Variants in MYRIP observed in about 807,000 individuals in gnomAD.
MYRIP encodes rab effector MyRIP.
In MYRIP, 49 loss-of-function variants were observed where a neutral mutation model predicts 98.0. The observed-to-expected ratio is 0.50, with a 90% CI of 0.40 to 0.63. The LOEUF (loss-of-function observed/expected upper bound fraction) is 0.63, where lower values mean the gene tolerates loss of function less well. Ranked by LOEUF, MYRIP falls within the 30% of genes least tolerant of loss-of-function variation. The probability of loss-of-function intolerance (pLI) is 0.00; values close to 1 mark genes in which losing one functional copy is unlikely to be tolerated. For missense variants in MYRIP, 1,004 were observed against 1,058.2 expected (o/e 0.95, Z 0.71); for synonymous variants, 404 against 409.5 (o/e 0.99, Z 0.16).
At chr3:40,253,482 A>G (rs1559478871) in intron 16 of MYRIP, among the ~76,000 whole-genome samples, 1 of 152,238 alleles carries the variant, frequency 6.6e-6, no homozygotes, top group Non-Finnish European at 1.5e-5. Context: ...TCATTAATGC[A>G]AATAAAAACT....
At chr3:40,115,004 T>G (rs1188427881) in intron 3 of MYRIP, among the ~76,000 whole-genome samples, 1 of 152,150 alleles carries the variant, frequency 6.6e-6, no homozygotes, top group African/African-American at 2.4e-5. Flanking sequence ...ATGAATAAAC[T>G]GATACATTTC....
intron 10 of MYRIP, among the ~76,000 whole-genome samples, chr3:40,196,847 A>G (rs1951406850): frequency 6.6e-6 from 1 of 152,052 alleles, no homozygotes; most frequent in Non-Finnish European, 1.5e-5. Context: ...ATCTTTTTAG[A>G]GTCTTGTGAG....
intron 16 of MYRIP, among the ~76,000 whole-genome samples, chr3:40,255,386 G>A (rs73827182): frequency 0.019 from 2,942 of 152,232 alleles, 75 homozygotes; most frequent in African/African-American, 0.062. Context: ...ACAACCTCGT[G>A]AACATACTAA....
At chr3:39,821,199 T>A (rs920039733) in intron 1 of MYRIP, among the ~76,000 whole-genome samples, 1 of 152,114 alleles carries the variant, frequency 6.6e-6, no homozygotes, top group Non-Finnish European at 1.5e-5. Context: ...GCATGTTCAG[T>A]CAAGAGCACC....
intron 3 of MYRIP, among the ~76,000 whole-genome samples, chr3:40,057,470 T>C (rs138803654): frequency 6.6e-6 from 1 of 152,320 alleles, no homozygotes; most frequent in African/African-American, 2.4e-5. Context: ...AACGTTAATC[T>C]AGACAACCTC....
At chr3:39,971,034 T>C (rs1229759995) in intron 2 of MYRIP, among the ~76,000 whole-genome samples, 1 of 152,092 alleles carries the variant, frequency 6.6e-6, no homozygotes, top group Non-Finnish European at 1.5e-5. Flanking sequence ...TGACTCTGAA[T>C]TGCACTTTAT....
At chr3:40,003,295 C>T (rs1278363404) in intron 2 of MYRIP, among the ~76,000 whole-genome samples, 1 of 152,090 alleles carries the variant, frequency 6.6e-6, no homozygotes, top group East Asian at 1.9e-4. Context: ...GAGGTGTCTT[C>T]AAGGGATTTT....
At chr3:39,985,987 A>ACAGC (rs1946022193) in intron 2 of MYRIP, among the ~76,000 whole-genome samples, 1 of 152,208 alleles carries the variant, frequency 6.6e-6, no homozygotes, top group African/African-American at 2.4e-5. Flanking sequence ...GAGCTTCTGC[A>ACAGC]CAGCAAAAGA....
intron 3 of MYRIP, among the ~76,000 whole-genome samples, chr3:40,122,495 T>C (rs1358062780): frequency 2.0e-5 from 3 of 151,746 alleles, no homozygotes; most frequent in Admixed American, 2.0e-4. Context: ...ATCCAGATTA[T>C]CATAAAGATA....
Position 39,952,562 on chromosome 3 carries a change from A to T in MYRIP, c.110+51636A>T, listed in dbSNP as rs114299053. On this transcript the variant is annotated intron_variant, in intron 2 of 16. Coordinates refer to ENST00000302541, the MANE Select transcript of MYRIP (RefSeq NM_015460.4). ...TCTGGATTTGTTTTGTAATATTTTT[A>T]GATATTTTGTGTCTATATTCCTGAT... Among the ~76,000 whole-genome samples, 884 of 152,222 alleles carry T rather than the reference A, an allele frequency of 5.8e-3. 7 individuals carry two copies. Among genetic ancestry groups the T allele is most frequent in the African/African-American group, 0.02 (817 of 41,544 alleles).
At chr3:39,811,929 G>T (rs764785681) in intron 1 of MYRIP, among the ~76,000 whole-genome samples, 1 of 152,106 alleles carries the variant, frequency 6.6e-6, no homozygotes, top group African/African-American at 2.4e-5. Context: ...ATTCCCGATG[G>T]CTGAAAAATA....
intron 2 of MYRIP, among the ~76,000 whole-genome samples, chr3:39,965,802 CTG>C (rs1479099389): frequency 6.6e-6 from 1 of 152,076 alleles, no homozygotes; most frequent in Non-Finnish European, 1.5e-5. Context: ...TAACAAATAC[CTG>C]GGGAGTGTAG....
intron 2 of MYRIP, among the ~76,000 whole-genome samples, chr3:39,998,879 C>T (rs1377116359): frequency 1.3e-5 from 2 of 152,190 alleles, no homozygotes; most frequent in African/African-American, 4.8e-5. Context: ...CGCCGCATAT[C>T]TACAACCATC....
intron 3 of MYRIP, among the ~76,000 whole-genome samples, chr3:40,074,077 C>CTT (rs34272356): frequency 2.9e-4 from 42 of 144,070 alleles, no homozygotes; most frequent in African/African-American, 2.3e-4. Context: ...TATTTAGAAA[C>CTT]TTTTTTTTTT....
intron 8 of MYRIP, among the ~76,000 whole-genome samples, chr3:40,178,841 G>A (rs1950824311): frequency 6.6e-6 from 1 of 152,170 alleles, no homozygotes. Flanking sequence ...GGGCCTATCT[G>A]AAGGCCCAAA....
chr3:39,993,361 A>G (rs769102368), intron 2 of MYRIP, among the ~76,000 whole-genome samples: 4 of 152,316 alleles, frequency 2.6e-5, no homozygotes, highest in East Asian at 1.9e-4. Flanking sequence ...ATATCAAACC[A>G]TAGCAATTTG....
chr3:39,947,890 A>G (rs1425838782), intron 2 of MYRIP, among the ~76,000 whole-genome samples: 1 of 152,202 alleles, frequency 6.6e-6, no homozygotes, highest in East Asian at 1.9e-4. Context: ...ATTTCTCTAA[A>G]TCAGTGATTG....
At chr3:40,046,192 C>CT (rs1332353224) in intron 3 of MYRIP, among the ~76,000 whole-genome samples, 1 of 151,922 alleles carries the variant, frequency 6.6e-6, no homozygotes, top group Non-Finnish European at 1.5e-5. Flanking sequence ...GAAGAAGGAA[C>CT]TAGAAGGTCA....
chr3:39,942,679 T>C (rs919681708), intron 2 of MYRIP, among the ~76,000 whole-genome samples: 1 of 152,138 alleles, frequency 6.6e-6, no homozygotes, highest in Admixed American at 6.6e-5. Flanking sequence ...TATTTTCTTC[T>C]CACTATTTTG....
Sources: allele counts gnomAD v4.1 joint callset (sites outside exome capture counted in the v4.1 genomes callset), GRCh38; gene constraint gnomAD v4.1.1; transcripts MANE v1.5; gene names NCBI Gene and HGNC (gene_info 2026-07-23, HGNC 2026-07-21).